CENPV: variants seen among roughly 807,000 people sequenced by gnomAD.
CENPV encodes nuclear protein p30.
A neutral mutation model predicts 26.4 loss-of-function variants in CENPV; 15 were observed. The observed-to-expected ratio is 0.57, with a 90% CI of 0.38 to 0.88. The LOEUF (loss-of-function observed/expected upper bound fraction) is 0.88, where lower values mean the gene tolerates loss of function less well. Ranked by LOEUF, CENPV falls within the 40% of genes least tolerant of loss-of-function variation. The pLI is 0.00. For synonymous variants in CENPV, 172 were observed against 165.5 expected (o/e 1.04, Z -0.30); for missense variants, 336 against 376.5 (o/e 0.89, Z 0.89).
chr17:16,348,652 G>A lies in CENPV; in HGVS notation c.543C>T (p.His181=). The A allele has an allele frequency of 6.2e-7, 1 of 1,614,098 alleles. No individual in the cohort carries two copies. Among genetic ancestry groups the A allele is most frequent in the Non-Finnish European group, 8.5e-7 (1 of 1,179,962 alleles). The change falls in exon 3 of 5, where the codon CAC becomes CAT. Residue 181 remains histidine (H), a synonymous_variant. Coordinates refer to ENST00000299736, the MANE Select transcript of CENPV (RefSeq NM_181716.3). ...CSICKKKQNR[H]FIVPASRFKL... The stretch of plus-strand genomic sequence containing the variant: ...TGAAGCGAGAAGCTGGAACAATGAA[G>A]TGTCTATTCTGCTTCTTCTTGCAAA...
chr17:16,350,318 A>G (rs2093223726), intron 1 of CENPV, among the ~76,000 whole-genome samples: 1 of 151,286 alleles, frequency 6.6e-6, no homozygotes, highest in South Asian at 2.1e-4. Flanking sequence ...ACCACCAGAC[A>G]TTTTTATTTA....
In CENPV at chr17:16,342,842, G is replaced by C. The variant is rs200571765; in HGVS notation, c.794C>G (p.Thr265Ser). ...TCACTCTTTAGACATGTTCTTGATG[G>C]TCTTGTGCTCTTTCATGGCCTTCTC... ...DWEKAMKEHKTIKNMSKE is the reference protein window; with the variant it reads ...DWEKAMKEHKSIKNMSKE Residue 265 changes from threonine (T) to serine (S), a missense_variant, in exon 5 of 5, where the codon ACC (threonine) becomes AGC (serine). Thr to Ser is a moderately conservative substitution (Grantham distance 58). This residue lies in a region of CENPV where 155 missense variants were observed against 227.8 expected (regional missense o/e 0.68). Transcript: ENST00000299736. 26 of 1,614,086 alleles carry C rather than the reference G, an allele frequency of 1.6e-5. No homozygotes were observed. In the Admixed American group the frequency reaches 4.2e-4, roughly 26 times the overall value.
At chr17:16,345,272 A>AG (rs1489471567) in intron 3 of CENPV, among the ~76,000 whole-genome samples, 1 of 150,400 alleles carries the variant, frequency 6.6e-6, no homozygotes, top group East Asian at 2.0e-4. Context: ...AAAAAAAAAA[A>AG]AAAAAAAAAC....
At chr17:16,350,240 T>C (rs1156607328) in intron 1 of CENPV, among the ~76,000 whole-genome samples, 2 of 152,204 alleles carry the variant, frequency 1.3e-5, no homozygotes, top group African/African-American at 2.4e-5. Context: ...TTCACCAATT[T>C]CTTAAATTAT....
intron 3 of CENPV, among the ~76,000 whole-genome samples, chr17:16,345,334 C>T (rs970854913): frequency 2.8e-5 from 4 of 143,330 alleles, no homozygotes; most frequent in South Asian, 2.3e-4. Context: ...ACTTTGAGGC[C>T]GAGGCAGGCG....
In CENPV at chr17:16,353,154, TCGGCGGCGG is replaced by T. The variant is rs753919797; in HGVS notation, c.274_282del (p.Pro92_Pro94del). ...GCCGAGGACGTCGGGGTCGCGGGAGTCGGCGGCGGCGGCGGCGGTGGCGGGAGCAACGCC... is the reference window on the plus strand; with the variant it reads ...GCCGAGGACGTCGGGGTCGCGGGAGTCGGCGGCGGTGGCGGGAGCAACGCC... On this transcript the variant is annotated inframe_deletion, in exon 1 of 5. Transcript: ENST00000299736. 2.2e-5 allele frequency: 32 copies of T among 1,466,094 alleles called. No homozygotes were observed. The highest frequency in any genetic ancestry group is 2.6e-5 in the Non-Finnish European group (29 of 1,112,404). 90.8% of individuals were successfully genotyped at this position (1,466,094 alleles called of 1,614,324 possible).
chr17:16,346,489 G>A (rs577101082), intron 3 of CENPV, among the ~76,000 whole-genome samples: 3 of 152,132 alleles, frequency 2.0e-5, no homozygotes, highest in Admixed American at 6.5e-5. Flanking sequence ...AGTGGCTCAC[G>A]CCTGTAATCC....
intron 1 of CENPV, 130 bp from the exon 2 acceptor site, chr17:16,350,159 T>C (rs2093223104): frequency 9.1e-7 from 1 of 1,097,680 alleles, no homozygotes; most frequent in African/African-American, 1.6e-5. Flanking sequence ...GCATTTCTGC[T>C]TTTAAGGAGG....
At chr17:16,344,947 ATT>A in intron 3 of CENPV, among the ~76,000 whole-genome samples, 1 of 151,452 alleles carries the variant, frequency 6.6e-6, no homozygotes, top group South Asian at 2.1e-4. Flanking sequence ...AATTTTTTGT[ATT>A]TTTAGTACAG....
At chr17:16,344,392 C>G in intron 4 of CENPV, 1 of 328,582 alleles carries the variant, frequency 3.0e-6, no homozygotes, top group Non-Finnish European at 5.5e-6. Context: ...TCACCACATT[C>G]AGATATGGGA....
In CENPV at chr17:16,353,372, G is replaced by GCGGGGGCCC. The variant is rs1555875393; in HGVS notation, c.64_65insGGGCCCCCG (p.Ser21_Ala22insGlyAlaPro). 1.6e-6 allele frequency: 2 copies of GCGGGGGCCC among 1,239,938 alleles called. No individual in the cohort carries two copies. Among genetic ancestry groups the GCGGGGGCCC allele is most frequent in the South Asian group, 2.9e-5 (1 of 34,208 alleles). 76.8% of individuals were successfully genotyped at this position (1,239,938 alleles called of 1,614,324 possible). A position where few individuals can be genotyped will look rare whatever the true frequency, so the allele number is the denominator to read the frequency against. The stretch of plus-strand genomic sequence containing the variant: ...AGCGGCCGCGGAGGCCGCGGGGGCC[G>GCGGGGGCCC]CGGAGGCCCCGGACCGCTTCTGCCC... On this transcript the variant is annotated inframe_insertion, in exon 1 of 5. Coordinates refer to ENST00000299736, the MANE Select transcript of CENPV (RefSeq NM_181716.3).
intron 3 of CENPV, 27 bp from the exon 4 acceptor site, chr17:16,344,738 C>G (rs913461054): frequency 4.3e-5 from 55 of 1,268,094 alleles, no homozygotes; most frequent in Non-Finnish European, 5.7e-5. Context: ...AAACGGTATT[C>G]TTTTTTACAA....
rs764498923 is a variant in CENPV at position 16,344,751 on chromosome 17, A to C, written c.580-40T>G. On this transcript the variant is annotated intron_variant, in intron 3 of 4. Transcript: ENST00000299736. The stretch of plus-strand genomic sequence containing the variant: ...ACAAACGGTATTCTTTTTTACAAAG[A>C]GATTTATTTATTTAATTTATTTATT... 2.6e-6 allele frequency: 3 copies of C among 1,153,454 alleles called. No individual in the cohort carries two copies. In the Admixed American group the frequency reaches 7.2e-5, roughly 27 times the overall value. The allele number at this position is 1,153,454 out of a possible 1,614,324, so 71.5% of individuals were successfully genotyped here. A position where few individuals can be genotyped will look rare whatever the true frequency, so the allele number is the denominator to read the frequency against.
In CENPV at chr17:16,353,227, G is replaced by A. The variant is rs2093235069; in HGVS notation, c.210C>T (p.Ala70=). ...GCGGCTCCCCCGGGCCCTCCTCCTGGGCCCGCGGCGACGAGCGCCTCAGCC... is the reference window on the plus strand; with the variant it reads ...GCGGCTCCCCCGGGCCCTCCTCCTGAGCCCGCGGCGACGAGCGCCTCAGCC... The part of the protein sequence containing the change: ...KPRLRRSSPR[A]QEEGPGEPPP... The change falls in exon 1 of 5, where the codon GCC becomes GCT. Residue 70 remains alanine, a synonymous_variant. Transcript: ENST00000299736. The A allele has an allele frequency of 7.2e-7, 1 of 1,392,994 alleles. No individual in the cohort carries two copies. The highest frequency in any genetic ancestry group is 1.6e-5 in the South Asian group (1 of 62,694). 86.3% of individuals were successfully genotyped at this position (1,392,994 alleles called of 1,614,324 possible).
intron 3 of CENPV, among the ~76,000 whole-genome samples, chr17:16,345,717 A>T (rs1309095319): frequency 6.6e-6 from 1 of 152,152 alleles, no homozygotes; most frequent in African/African-American, 2.4e-5. Flanking sequence ...GGTCAACGGC[A>T]TACAGAATTC....
intron 2 of CENPV, 189 bp downstream of exon 2, chr17:16,349,742 T>C: frequency 7.2e-7 from 1 of 1,387,424 alleles, no homozygotes; most frequent in Non-Finnish European, 9.3e-7. Context: ...CTGTTGAAGC[T>C]CTGTGATGAG....
rs142473942 is a variant in CENPV, at chr17:16,345,241, A to G, written c.580-530T>C. On this transcript the variant is annotated intron_variant, in intron 3 of 4. Coordinates refer to ENST00000299736, the MANE Select transcript of CENPV (RefSeq NM_181716.3). ...CATGCCACGGCACTCCAGCCTGGGC[A>G]ACAGAGCGAGACTCCGTCTCAAAAA... 8.3e-3 allele frequency among the ~76,000 whole-genome samples: 1,223 copies of G among 147,918 alleles called. 9 individuals carry two copies. The highest frequency in any genetic ancestry group is 0.029 in the African/African-American group (1,147 of 39,268).
intron 1 of CENPV, 49 bp downstream of exon 1, chr17:16,352,978 G>C (rs760297901): frequency 3.0e-5 from 45 of 1,496,238 alleles, no homozygotes; most frequent in African/African-American, 1.0e-4. Flanking sequence ...TCCTGCCGAG[G>C]GGGTCCGCGT....
In CENPV at chr17:16,350,043, A is replaced by C; in HGVS notation, c.411-14T>G. The C allele has an allele frequency of 1.2e-6, 2 of 1,607,808 alleles. No homozygotes were observed. Among genetic ancestry groups the C allele is most frequent in the Non-Finnish European group, 1.7e-6 (2 of 1,178,480 alleles). ...CCCTGGTATTCACTAAATGAAACAA[A>C]AATCAGAAAGATAATAATTTCTGAA... On this transcript the variant is annotated splice_polypyrimidine_tract_variant and intron_variant, in intron 1 of 4. Transcript: ENST00000299736.
Sources: allele counts gnomAD v4.1 joint callset (sites outside exome capture counted in the v4.1 genomes callset), GRCh38; gene constraint gnomAD v4.1.1; regional missense constraint gnomAD v4.1.1; transcripts MANE v1.5; gene names NCBI Gene and HGNC (gene_info 2026-07-23, HGNC 2026-07-21).